Variants in RAP1GAP2 observed in about 807,000 individuals in gnomAD.
RAP1GAP2 encodes the protein rap1 GTPase-activating protein 2.
RAP1GAP2 carries 27 observed loss-of-function variants against 95.0 expected under a neutral mutation model. The ratio of observed to expected loss-of-function variants is 0.28; its 90% CI spans 0.21 to 0.39. RAP1GAP2 has a LOEUF of 0.39. Ranked by LOEUF, RAP1GAP2 falls within the 10% of genes least tolerant of loss-of-function variation. The pLI, the probability that RAP1GAP2 is intolerant of heterozygous loss-of-function variation, is 1.00. For missense variants in RAP1GAP2, 771 were observed against 970.0 expected, an observed-to-expected ratio of 0.79 and a Z score of 2.72; for synonymous variants, 373 against 380.9, an observed-to-expected ratio of 0.98 and a Z score of 0.24.
Position 2,827,798 on chromosome 17 carries a change from C to T in RAP1GAP2, c.80+27248C>T, listed in dbSNP as rs2070638858. ...CAGCATCTCTTTGGTTGCTTTTTATCAGCTTCCTATTAGAAAAAAAAAAAA... is the reference window on the plus strand; with the variant it reads ...CAGCATCTCTTTGGTTGCTTTTTATTAGCTTCCTATTAGAAAAAAAAAAAA... On this transcript the variant is annotated intron_variant, in intron 2 of 24. Transcript: ENST00000254695. This position sits in a 1 kb window ranked among gnomAD's most constrained non-coding sequence, Gnocchi z 4.1. Among the ~76,000 whole-genome samples the T allele has an allele frequency of 6.9e-6, 1 of 145,706 alleles. No individual in the cohort carries two copies. Among genetic ancestry groups the T allele is most frequent in the African/African-American group, 2.6e-5 (1 of 37,902 alleles).
chr17:2,944,944 A>G (rs895392495), intron 3 of RAP1GAP2, among the ~76,000 whole-genome samples: 15 of 152,106 alleles, frequency 9.9e-5, no homozygotes, highest in Non-Finnish European at 1.9e-4. Context: ...GTGCAGTGGC[A>G]CTATCTCGGC....
chr17:2,821,518 G>A (rs189490222), intron 2 of RAP1GAP2, among the ~76,000 whole-genome samples: 50 of 151,910 alleles, frequency 3.3e-4, no homozygotes, highest in Admixed American at 3.2e-3. Flanking sequence ...TGGGACCACA[G>A]CATCTGCCAC....
chr17:2,779,540 C>T lies in RAP1GAP2; in HGVS notation c.-14+2262C>T, dbSNP rs574934077. On this transcript the variant is annotated intron_variant, in intron 1 of 24. Coordinates refer to the RAP1GAP2 transcript ENST00000540393. ...AGACCTCCTGAATGCTTCCATTTCACAGCCTATGAATTGGAGTCAGCGATG... is the reference window on the plus strand; with the variant it reads ...AGACCTCCTGAATGCTTCCATTTCATAGCCTATGAATTGGAGTCAGCGATG... Among the ~76,000 whole-genome samples, 92 of 152,286 alleles carry T rather than the reference C, an allele frequency of 6.0e-4. 1 individual carries two copies. Among genetic ancestry groups the T allele is most frequent in the African/African-American group, 2.1e-3 (87 of 41,554 alleles).
chr17:3,013,525 C>T (rs958392592), intron 17 of RAP1GAP2, among the ~76,000 whole-genome samples: 4 of 152,202 alleles, frequency 2.6e-5, no homozygotes, highest in East Asian at 3.9e-4. Context: ...CCCAGCCTGC[C>T]GCCTCCTCAC....
intron 8 of RAP1GAP2, among the ~76,000 whole-genome samples, chr17:2,966,684 G>A (rs771837667): frequency 1.3e-4 from 20 of 152,090 alleles, no homozygotes; most frequent in African/African-American, 4.1e-4. Context: ...TCACTTGGCT[G>A]GAAATCATAT....
intron 2 of RAP1GAP2, among the ~76,000 whole-genome samples, chr17:2,806,643 TGTCTC>T: frequency 6.6e-6 from 1 of 151,728 alleles, no homozygotes; most frequent in East Asian, 1.9e-4. Context: ...ATGATCCACT[TGTCTC>T]GGCCTCCCAA....
At chr17:2,798,785 C>T (rs1257848661) in intron 1 of RAP1GAP2, among the ~76,000 whole-genome samples, 1 of 152,198 alleles carries the variant, frequency 6.6e-6, no homozygotes, top group African/African-American at 2.4e-5. Flanking sequence ...TGAGGCCACA[C>T]CCTGATGTGG....
chr17:2,812,674 T>C (rs9914562), intron 2 of RAP1GAP2, among the ~76,000 whole-genome samples: 127,075 of 151,848 alleles, frequency 0.84, 53,595 homozygotes, highest in African/African-American at 0.94. Context: ...ACAATTTGGT[T>C]TCACCTGGAG....
At chr17:3,020,639 T>C (rs11652061) in intron 19 of RAP1GAP2, 44 bp downstream of exon 19, 283,340 of 1,540,810 alleles carry the variant, frequency 0.18, 27,603 homozygotes, top group Middle Eastern at 0.26. Flanking sequence ...TTGCGGGGTC[T>C]GTCAACCCCC....
chr17:2,869,082 A>G (rs777886754), intron 2 of RAP1GAP2, among the ~76,000 whole-genome samples: 9 of 152,086 alleles, frequency 5.9e-5, no homozygotes, highest in Admixed American at 4.6e-4. Context: ...GATTCCATTC[A>G]TGAGGGCTTC....
At chr17:2,962,927 G>A in intron 5 of RAP1GAP2, 1 of 576,132 alleles carries the variant, frequency 1.7e-6, no homozygotes, top group Non-Finnish European at 3.0e-6. Flanking sequence ...CAGCTTCAGA[G>A]CAGGCTGGGG....
chr17:2,949,167 C>T lies in RAP1GAP2; in HGVS notation c.166-8592C>T, dbSNP rs190060445. ...CTGGCTCTGCGTGGTTATCTATTGA[C>T]TGGCTGTGAACGCAGAGTCCACGGG... On this transcript the variant is annotated intron_variant, in intron 3 of 24. Coordinates refer to ENST00000254695, the MANE Select transcript of RAP1GAP2 (RefSeq NM_015085.5). Among the ~76,000 whole-genome samples the T allele has an allele frequency of 3.5e-4, 53 of 152,306 alleles. 1 individual carries two copies. The highest frequency in any genetic ancestry group is 2.8e-3 in the Admixed American group (43 of 15,290).
chr17:2,832,381 AC>A (rs1431165246), intron 2 of RAP1GAP2, among the ~76,000 whole-genome samples: 1 of 150,592 alleles, frequency 6.6e-6, no homozygotes, highest in South Asian at 2.1e-4. Flanking sequence ...AAACGGTGAA[AC>A]CCCATCTCTA....
chr17:2,965,705 G>C lies in RAP1GAP2; in HGVS notation c.596+62G>C. The stretch of plus-strand genomic sequence containing the variant: ...CAGGCAGGGCTCTCATCGGTGGTGT[G>C]GGGGCTGGGATGGGACTCAGAAATA... On this transcript the variant is annotated intron_variant, in intron 8 of 24. Coordinates refer to ENST00000254695, the MANE Select transcript of RAP1GAP2 (RefSeq NM_015085.5). The surrounding 1 kb of genome is among the most constrained non-coding windows in gnomAD (Gnocchi z 4.7). The C allele has an allele frequency of 7.8e-7, 1 of 1,277,358 alleles. No homozygotes were observed. The highest frequency in any genetic ancestry group is 2.5e-5 in the East Asian group (1 of 40,190). The allele number at this position is 1,277,358 out of a possible 1,614,324, so 79.1% of individuals were successfully genotyped here. A position where few individuals can be genotyped will look rare whatever the true frequency, so the allele number is the denominator to read the frequency against.
At chr17:2,909,337 C>A (rs1249791464) in intron 3 of RAP1GAP2, among the ~76,000 whole-genome samples, 1 of 151,990 alleles carries the variant, frequency 6.6e-6, no homozygotes, top group African/African-American at 2.4e-5. Flanking sequence ...CTGGCAGTTG[C>A]AGGGGATGTA....
chr17:2,844,811 C>T (rs1252501914), intron 2 of RAP1GAP2, among the ~76,000 whole-genome samples: 1 of 152,130 alleles, frequency 6.6e-6, no homozygotes, highest in Non-Finnish European at 1.5e-5. Flanking sequence ...TTCCCCTGGA[C>T]CCAACCCAGA....
intron 1 of RAP1GAP2, among the ~76,000 whole-genome samples, chr17:2,769,547 T>G (rs1217035737): frequency 6.7e-6 from 1 of 150,118 alleles, no homozygotes; most frequent in Admixed American, 6.7e-5. Context: ...AGAGCGAGAC[T>G]CCATCTCAAA....
At chr17:2,960,872 A>G (rs1354550715) in intron 4 of RAP1GAP2, among the ~76,000 whole-genome samples, 2 of 152,190 alleles carry the variant, frequency 1.3e-5, no homozygotes, top group Non-Finnish European at 2.9e-5. Flanking sequence ...TGGAAACACC[A>G]CGTGTTCCCC....
chr17:2,868,516 A>ATTTTTTTTTTTTTTTTT (rs71153307), intron 2 of RAP1GAP2, among the ~76,000 whole-genome samples: 11 of 122,812 alleles, frequency 9.0e-5, no homozygotes, highest in African/African-American at 3.0e-4. Context: ...ACCAGGTGCA[A>ATTTTTTTTTTTTTTTTT]TTTTTTTTTT....
Sources: gnomAD v4.1 joint callset for allele counts (sites outside exome capture counted in the v4.1 genomes callset) on GRCh38, gnomAD v4.1.1 for gene constraint, Gnocchi (gnomAD v3.1) non-coding constraint, MANE v1.5 for transcripts, NCBI Gene and HGNC (gene_info 2026-07-23, HGNC 2026-07-21) for gene names.